The following RAPGEF6 variants were observed in gnomAD, a reference collection of about 807,000 sequenced individuals.
The protein encoded by RAPGEF6 is Rap guanine nucleotide exchange factor 6.
Under a neutral mutation model 171.4 loss-of-function variants are expected in RAPGEF6, and 56 were observed. That is an observed-to-expected ratio of 0.33 (90% confidence interval 0.26 to 0.41). The LOEUF is 0.41. Ranked by LOEUF, RAPGEF6 falls within the 10% of genes least tolerant of loss-of-function variation. The pLI, the probability that RAPGEF6 is intolerant of heterozygous loss-of-function variation, is 1.00. For missense variants in RAPGEF6, 1,674 were observed against 1,921.4 expected (o/e 0.87, Z 2.41); for synonymous variants, 692 against 650.1 (o/e 1.06, Z -0.98).
At chr5:131,521,891 ACTCTCTCTCTCT>A (rs144983094) in intron 6 of RAPGEF6, among the ~76,000 whole-genome samples, 3 of 123,572 alleles carry the variant, frequency 2.4e-5, no homozygotes, top group Non-Finnish European at 3.4e-5. Flanking sequence ...ACACACACAC[ACTCTCTCTCTCT>A]CTCACACACA....
chr5:131,543,812 C>A (rs888801718), intron 6 of RAPGEF6, among the ~76,000 whole-genome samples: 11 of 152,072 alleles, frequency 7.2e-5, no homozygotes, highest in African/African-American at 2.7e-4. Context: ...TATCTAAATA[C>A]CAAAGTCATC....
intron 9 of RAPGEF6, among the ~76,000 whole-genome samples, chr5:131,507,221 T>A (rs972070406): frequency 4.7e-5 from 7 of 148,354 alleles, no homozygotes; most frequent in Non-Finnish European, 7.4e-5. Flanking sequence ...ATAACTTACT[T>A]ATAGATTATA....
At position 131,472,578 on chromosome 5, in the gene RAPGEF6, G is replaced by A; in HGVS notation, c.2239+9C>T. The stretch of plus-strand genomic sequence containing the variant: ...AATACGGCAATATAAAATCACATAT[G>A]AAAATTACCTGAAGGATTGGAAAAA... On this transcript the variant is annotated intron_variant, in intron 17 of 27. Coordinates refer to ENST00000509018, the MANE Select transcript of RAPGEF6 (RefSeq NM_016340.6). The A allele has an allele frequency of 1.2e-6, 2 of 1,611,892 alleles. No individual in the cohort carries two copies. The highest frequency in any genetic ancestry group is 1.7e-6 in the Non-Finnish European group (2 of 1,178,080).
At chr5:131,616,883 A>C (rs1440281822) in intron 1 of RAPGEF6, among the ~76,000 whole-genome samples, 1 of 152,170 alleles carries the variant, frequency 6.6e-6, no homozygotes, top group African/African-American at 2.4e-5. Context: ...CTGGGATTAT[A>C]GGTGTGAGTC....
chr5:131,544,273 C>T (rs868653918), intron 6 of RAPGEF6, among the ~76,000 whole-genome samples: 9 of 152,244 alleles, frequency 5.9e-5, no homozygotes, highest in South Asian at 2.1e-4. Context: ...GCTTTATTTG[C>T]AATTGCCCAA....
chr5:131,630,050 A>G (rs1766201479), intron 1 of RAPGEF6, among the ~76,000 whole-genome samples: 1 of 152,238 alleles, frequency 6.6e-6, no homozygotes, highest in Non-Finnish European at 1.5e-5. Flanking sequence ...TACTGTAGGT[A>G]AAATGCTATC....
At chr5:131,579,653 C>T (rs1376475889) in intron 4 of RAPGEF6, among the ~76,000 whole-genome samples, 2 of 152,160 alleles carry the variant, frequency 1.3e-5, no homozygotes, top group Non-Finnish European at 2.9e-5. Flanking sequence ...ACACAGGGTG[C>T]TGACTGGTGC....
At chr5:131,451,278 T>C (rs1431008672) in intron 21 of RAPGEF6, among the ~76,000 whole-genome samples, 2 of 152,020 alleles carry the variant, frequency 1.3e-5, no homozygotes, top group African/African-American at 2.4e-5. Context: ...TCAGATCAAC[T>C]ACTTGCAAAA....
At chr5:131,515,387 C>T (rs1758006003) in intron 7 of RAPGEF6, among the ~76,000 whole-genome samples, 1 of 152,126 alleles carries the variant, frequency 6.6e-6, no homozygotes. Context: ...GTCTCTTTTG[C>T]CCTGGATAAT....
intron 1 of RAPGEF6, among the ~76,000 whole-genome samples, chr5:131,616,858 T>C (rs890072648): frequency 4.6e-5 from 7 of 152,116 alleles, no homozygotes; most frequent in Non-Finnish European, 1.0e-4. Context: ...CCTCCTACCT[T>C]GGCCTTCCAA....
intron 6 of RAPGEF6, among the ~76,000 whole-genome samples, chr5:131,528,338 TACACACACACACAC>T (rs372339216): frequency 6.1e-4 from 16 of 26,252 alleles, no homozygotes; most frequent in African/African-American, 8.3e-4. Context: ...TATATATATA[TACACACACACACAC>T]ATATATATAT....
chr5:131,597,420 T>G (rs1410516716), intron 3 of RAPGEF6, among the ~76,000 whole-genome samples: 1 of 152,126 alleles, frequency 6.6e-6, no homozygotes, highest in Non-Finnish European at 1.5e-5. Flanking sequence ...CACTCCCATA[T>G]TTTACAATAG....
At chr5:131,625,934 T>C (rs867212220) in intron 1 of RAPGEF6, among the ~76,000 whole-genome samples, 1 of 152,162 alleles carries the variant, frequency 6.6e-6, no homozygotes, top group Non-Finnish European at 1.5e-5. Context: ...TCTACCTGTA[T>C]ACCTATAAGC....
intron 17 of RAPGEF6, among the ~76,000 whole-genome samples, chr5:131,467,239 T>C (rs750868466): frequency 6.6e-6 from 1 of 152,204 alleles, no homozygotes; most frequent in Non-Finnish European, 1.5e-5. Context: ...AGTCATACGT[T>C]GTTAAAGTGA....
chr5:131,504,878 T>C, intron 10 of RAPGEF6, 100 bp from the exon 11 acceptor site: 5 of 1,129,788 alleles, frequency 4.4e-6, no homozygotes, highest in Non-Finnish European at 6.0e-6. Flanking sequence ...CTAGCGGCAT[T>C]AGTTCTTTTT....
chr5:131,503,384 G>A (rs1047166202), intron 11 of RAPGEF6, among the ~76,000 whole-genome samples: 4 of 152,116 alleles, frequency 2.6e-5, no homozygotes, highest in Admixed American at 6.6e-5. Flanking sequence ...TAAAACACAT[G>A]AGTCCTCACA....
chr5:131,521,635 C>T, intron 6 of RAPGEF6, 114 bp from the exon 7 acceptor site: 1 of 907,774 alleles, frequency 1.1e-6, no homozygotes, highest in Non-Finnish European at 1.6e-6. Context: ...TTTTTTAACC[C>T]AAGTTCTCTA....
chr5:131,582,308 A>T (rs1282676268), intron 4 of RAPGEF6, among the ~76,000 whole-genome samples: 1 of 152,248 alleles, frequency 6.6e-6, no homozygotes, highest in Non-Finnish European at 1.5e-5. Context: ...TGTCAATTAA[A>T]TTCTAATAAA....
At chr5:131,579,600 AGACACAGAGCACTGATTGGT>A (rs1762815087) in intron 4 of RAPGEF6, among the ~76,000 whole-genome samples, 1 of 152,170 alleles carries the variant, frequency 6.6e-6, no homozygotes, top group African/African-American at 2.4e-5. Context: ...TACATTAGCT[AGACACAGAGCACTGATTGGT>A]GCATTTACAA....
Sources: allele counts gnomAD v4.1 joint callset (sites outside exome capture counted in the v4.1 genomes callset), GRCh38; gene constraint gnomAD v4.1.1; transcripts MANE v1.5; gene names NCBI Gene and HGNC (gene_info 2026-07-23, HGNC 2026-07-21).